Variants in ANK3 observed in about 807,000 individuals in gnomAD.
The protein encoded by ANK3 is ankyrin-3.
In ANK3, 57 loss-of-function variants were observed where a neutral mutation model predicts 370.9. That is an observed-to-expected ratio of 0.15 (90% CI 0.12 to 0.19). ANK3 has a LOEUF of 0.19. ANK3 is among the 10% of genes least tolerant of loss of function. The probability of loss-of-function intolerance (pLI) is 1.00; values close to 1 mark genes in which losing one functional copy is unlikely to be tolerated. For missense variants in ANK3, 4,439 were observed against 5,302.1 expected (o/e 0.84, Z 5.06); for synonymous variants, 1,929 against 1,946.3 (o/e 0.99, Z 0.23).
intron 1 of ANK3, among the ~76,000 whole-genome samples, chr10:60,682,452 G>T (rs1451025947): frequency 1.3e-5 from 2 of 151,284 alleles, no homozygotes; most frequent in African/African-American, 4.9e-5. Flanking sequence ...TTTTGGCCCA[G>T]TTCCTGGCTC....
intron 1 of ANK3, among the ~76,000 whole-genome samples, chr10:60,321,046 T>A (rs548140948): frequency 1.3e-3 from 192 of 152,240 alleles, no homozygotes; most frequent in African/African-American, 4.5e-3. Flanking sequence ...TGATGCTATT[T>A]TGAACATTAA....
chr10:60,640,524 C>T (rs1468317730), intron 1 of ANK3, among the ~76,000 whole-genome samples: 1 of 111,044 alleles, frequency 9.0e-6, no homozygotes, highest in Non-Finnish European at 1.9e-5. Context: ...ACAAACAGAG[C>T]CAAAGACAAA....
Position 60,469,653 on chromosome 10 carries a change from ATGGTGGTATATATATATATATATATATG to A in ANK3, c.96+145505_96+145532del, listed in dbSNP as rs1214889341. On this transcript the variant is annotated intron_variant, in intron 2 of 43. Coordinates refer to the ANK3 transcript ENST00000373827. Reference sequence around the variant, plus strand: ...TATATATATATATATATATATATATATGGTGGTATATATATATATATATATATGGTGGTATATATATATAGTGGTCCTA... The same window carrying A: ...TATATATATATATATATATATATATAGTGGTATATATATATAGTGGTCCTA... 2.2e-3 allele frequency among the ~76,000 whole-genome samples: 31 copies of A among 14,266 alleles called. 8 individuals carry two copies. The highest frequency in any genetic ancestry group is 5.6e-3 in the East Asian group (2 of 360). The allele number at this position is 14,266 out of a possible 152,430, so 9.4% of individuals were successfully genotyped here.
At chr10:60,358,058 T>A (rs1274092005) in intron 1 of ANK3, among the ~76,000 whole-genome samples, 1 of 151,944 alleles carries the variant, frequency 6.6e-6, no homozygotes, top group Non-Finnish European at 1.5e-5. Flanking sequence ...ATCAAGGAGA[T>A]GCTTTTCCTA....
chr10:60,499,130 G>T (rs1256229783), intron 2 of ANK3, among the ~76,000 whole-genome samples: 6 of 152,056 alleles, frequency 3.9e-5, no homozygotes, highest in Admixed American at 6.6e-5. Context: ...ACACATTCTC[G>T]CCCTCAGAGG....
intron 1 of ANK3, among the ~76,000 whole-genome samples, chr10:60,725,039 A>C (rs1176602804): frequency 2.6e-5 from 4 of 152,128 alleles, no homozygotes; most frequent in Non-Finnish European, 5.9e-5. Flanking sequence ...GCAGGCAGCC[A>C]TTCTAACGTG....
chr10:60,271,793 C>A (rs1167361361), intron 4 of ANK3, among the ~76,000 whole-genome samples: 1 of 151,542 alleles, frequency 6.6e-6, no homozygotes, highest in Non-Finnish European at 1.5e-5. Flanking sequence ...GATCCTCAAG[C>A]AGATAAATGC....
intron 1 of ANK3, among the ~76,000 whole-genome samples, chr10:60,281,307 T>C (rs1161024861): frequency 6.6e-6 from 1 of 152,220 alleles, no homozygotes; most frequent in Non-Finnish European, 1.5e-5. Context: ...GGGACTGTCC[T>C]GCTCATTGTC....
chr10:60,072,848 A>G lies in ANK3; in HGVS notation c.8033T>C (p.Leu2678Pro). ...CTTGCTGTCCTCAGTCTGTTGGGAG[A>G]GAACCATCTTCTCTGGGCTGCTGGG... is the stretch of plus-strand genomic sequence containing the variant. ...SLPSSPEKMVLSQQTEDSKST... is the reference protein window; with the variant it reads ...SLPSSPEKMVPSQQTEDSKST... Residue 2678 changes from leucine (L) to proline (P), a missense_variant, in exon 37 of 44, where the codon CTC becomes CCC. This residue lies in a region of ANK3 where 1,601 missense variants were observed against 1,731.7 expected (regional missense o/e 0.92). Transcript: ENST00000280772. 6.2e-7 allele frequency: 1 copy of G among 1,613,866 alleles called. No homozygotes were observed. Among genetic ancestry groups the G allele is most frequent in the Non-Finnish European group, 8.5e-7 (1 of 1,179,976 alleles).
chr10:60,603,478 A>T (rs114740366), intron 2 of ANK3, among the ~76,000 whole-genome samples: 1 of 152,280 alleles, frequency 6.6e-6, no homozygotes, highest in African/African-American at 2.4e-5. Context: ...TAAAGTTTAT[A>T]TGCAAATATT....
chr10:60,290,567 C>T (rs957930418), intron 1 of ANK3, among the ~76,000 whole-genome samples: 1 of 152,150 alleles, frequency 6.6e-6, no homozygotes, highest in African/African-American at 2.4e-5. Flanking sequence ...TCAAAACTAA[C>T]TGAAGTAAAA....
intron 7 of ANK3, among the ~76,000 whole-genome samples, chr10:60,254,406 T>A (rs1384093331): frequency 6.6e-6 from 1 of 152,160 alleles, no homozygotes; most frequent in East Asian, 1.9e-4. Flanking sequence ...ATCAGGAGTT[T>A]GCCACACTCT....
chr10:60,130,283 C>T (rs987435292), intron 25 of ANK3, among the ~76,000 whole-genome samples: 16 of 152,156 alleles, frequency 1.1e-4, no homozygotes, highest in African/African-American at 3.9e-4. Flanking sequence ...AGGTGGCAGT[C>T]CTGCACTAAT....
chr10:60,078,811 A>G (rs966011224), intron 36 of ANK3, among the ~76,000 whole-genome samples: 12 of 152,138 alleles, frequency 7.9e-5, no homozygotes, highest in Non-Finnish European at 1.5e-4. Flanking sequence ...TCCTATTCCT[A>G]TTCATTCCCT....
chr10:60,418,762 A>T (rs1284451423), intron 2 of ANK3, among the ~76,000 whole-genome samples: 1 of 151,742 alleles, frequency 6.6e-6, no homozygotes, highest in Non-Finnish European at 1.5e-5. Context: ...TTAACTGGGC[A>T]TTCTGTATCT....
chr10:60,127,734 T>C (rs1223525300), intron 25 of ANK3, among the ~76,000 whole-genome samples: 1 of 147,900 alleles, frequency 6.8e-6, no homozygotes, highest in East Asian at 2.0e-4. Flanking sequence ...AGTCTCGCTC[T>C]GTCTCCCAGG....
intron 26 of ANK3, among the ~76,000 whole-genome samples, chr10:60,110,220 G>T (rs1167949146): frequency 6.6e-6 from 1 of 152,064 alleles, no homozygotes; most frequent in Non-Finnish European, 1.5e-5. Context: ...CCTAGCTGGG[G>T]ACCGTCTTCT....
At chr10:60,304,960 A>C (rs1004879844) in intron 1 of ANK3, among the ~76,000 whole-genome samples, 1 of 152,180 alleles carries the variant, frequency 6.6e-6, no homozygotes, top group Non-Finnish European at 1.5e-5. Flanking sequence ...TTCTCAATTG[A>C]CATACAGTGA....
intron 2 of ANK3, among the ~76,000 whole-genome samples, chr10:60,502,234 A>T (rs531809933): frequency 6.6e-6 from 1 of 152,106 alleles, no homozygotes; most frequent in Non-Finnish European, 1.5e-5. Flanking sequence ...TGTAGCAGCA[A>T]CTCTTGGGCC....
Sources: allele counts gnomAD v4.1 joint callset (sites outside exome capture counted in the v4.1 genomes callset), GRCh38; gene constraint gnomAD v4.1.1; regional missense constraint gnomAD v4.1.1; transcripts MANE v1.5; gene names NCBI Gene and HGNC (gene_info 2026-07-23, HGNC 2026-07-21).